The following ZNRF3 variants were observed in gnomAD, a reference collection of about 807,000 sequenced individuals.
ZNRF3 encodes the protein zinc and ring finger 3, also known as E3 ubiquitin-protein ligase ZNRF3.
A neutral mutation model predicts 72.5 loss-of-function variants in ZNRF3; 23 were observed. The ratio of observed to expected loss-of-function variants is 0.32; its 90% CI spans 0.23 to 0.45. The LOEUF is 0.45. Ranked by LOEUF, ZNRF3 falls within the 20% of genes least tolerant of loss-of-function variation. ZNRF3 has a pLI of 1.00. For missense variants in ZNRF3, 1,169 were observed against 1,272.1 expected (o/e 0.92, Z 1.23); for synonymous variants, 610 against 545.3 (o/e 1.12, Z -1.65).
intron 2 of ZNRF3, among the ~76,000 whole-genome samples, chr22:29,037,549 A>T (rs993123564): frequency 6.6e-6 from 1 of 152,232 alleles, no homozygotes; most frequent in African/African-American, 2.4e-5. Context: ...GAATAACCAT[A>T]GGAGTGGTAA....
At chr22:28,924,765 A>C (rs2034570769) in intron 1 of ZNRF3, among the ~76,000 whole-genome samples, 1 of 152,078 alleles carries the variant, frequency 6.6e-6, no homozygotes, top group East Asian at 1.9e-4. Flanking sequence ...ATAATTTTTA[A>C]AAAGTAGGCA....
At chr22:28,911,124 G>T (rs939173401) in intron 1 of ZNRF3, among the ~76,000 whole-genome samples, 2 of 152,144 alleles carry the variant, frequency 1.3e-5, no homozygotes, top group Non-Finnish European at 2.9e-5. Context: ...ATTCCTGGGG[G>T]GAATTGGGGG....
rs2037277144 is a variant in ZNRF3, at chr22:29,055,108, C to T, written c.*1486C>T. ...AAACCGTTGTGGTTTTAAGGTGTTT[C>T]ATTTTTAAAAGGGAGAGAGAATCTA... On this transcript the variant is annotated 3_prime_UTR_variant, in exon 9 of 9. Coordinates refer to ENST00000544604, the MANE Select transcript of ZNRF3 (RefSeq NM_001206998.2). 6.5e-6 allele frequency: 1 copy of T among 152,692 alleles called. No individual in the cohort carries two copies. Among genetic ancestry groups the T allele is most frequent in the African/African-American group, 2.4e-5 (1 of 41,436 alleles). The allele number at this position is 152,692 out of a possible 1,614,324, so 9.5% of individuals were successfully genotyped here.
rs1489732413 is a variant in ZNRF3, at chr22:29,053,570, CTT to C, written c.2768-7_2768-6del. 2.5e-6 allele frequency: 4 copies of C among 1,612,212 alleles called. No individual in the cohort carries two copies. Among genetic ancestry groups the C allele is most frequent in the Non-Finnish European group, 3.4e-6 (4 of 1,179,244 alleles). Reference sequence around the variant, plus strand: ...CCCTCCCCTGATGATTGTTCTCTCTCTTTCCCAGGACCGAGATCTCACTCAGC... The same window carrying C: ...CCCTCCCCTGATGATTGTTCTCTCTCTCCCAGGACCGAGATCTCACTCAGC... On this transcript the variant is annotated splice_region_variant and splice_polypyrimidine_tract_variant and intron_variant, in intron 8 of 8. Transcript: ENST00000544604.
At chr22:28,969,562 G>A (rs960861136) in intron 1 of ZNRF3, among the ~76,000 whole-genome samples, 9 of 152,170 alleles carry the variant, frequency 5.9e-5, no homozygotes, top group African/African-American at 2.2e-4. Context: ...GGGAGGAACA[G>A]CAGGGAGGCC....
intron 1 of ZNRF3, among the ~76,000 whole-genome samples, chr22:28,938,072 G>A (rs1312496481): frequency 2.0e-5 from 3 of 152,034 alleles, no homozygotes; most frequent in African/African-American, 7.3e-5. Flanking sequence ...ATACATGAAT[G>A]TATTTTCATA....
At position 28,982,557 on chromosome 22, in the gene ZNRF3, C is replaced by T. The variant is rs570835863; in HGVS notation, c.301-4519C>T. Reference sequence around the variant, plus strand: ...CTCTCATCTGGGTGACAGAACAAGACCCTGCCTTTAAAAAAAAAAAAAAAA... The same window carrying T: ...CTCTCATCTGGGTGACAGAACAAGATCCTGCCTTTAAAAAAAAAAAAAAAA... On this transcript the variant is annotated intron_variant, in intron 1 of 8. Coordinates refer to ENST00000544604, the MANE Select transcript of ZNRF3 (RefSeq NM_001206998.2). 2.0e-5 allele frequency among the ~76,000 whole-genome samples: 3 copies of T among 148,632 alleles called. No homozygotes were observed. The South Asian group carries it at 6.4e-4, about 32-fold the overall frequency.
chr22:28,966,852 C>T (rs887130017), intron 1 of ZNRF3, among the ~76,000 whole-genome samples: 4 of 139,938 alleles, frequency 2.9e-5, no homozygotes, highest in Non-Finnish European at 6.1e-5. Context: ...GTTACAGGCA[C>T]ATAGTTTTAA....
At chr22:28,948,558 A>G (rs546547022) in intron 1 of ZNRF3, among the ~76,000 whole-genome samples, 7 of 152,248 alleles carry the variant, frequency 4.6e-5, no homozygotes, top group Non-Finnish European at 8.8e-5. Context: ...TTAGTAAGAC[A>G]GTTGGATTCT....
chr22:28,956,608 T>G (rs1423697284), intron 1 of ZNRF3, among the ~76,000 whole-genome samples: 1 of 152,174 alleles, frequency 6.6e-6, no homozygotes, highest in Non-Finnish European at 1.5e-5. Context: ...CAAAGACAGT[T>G]TCCCTGTCCC....
chr22:28,901,136 A>AT (rs959766962), intron 1 of ZNRF3, among the ~76,000 whole-genome samples: 12 of 151,536 alleles, frequency 7.9e-5, no homozygotes, highest in African/African-American at 2.2e-4. Flanking sequence ...TAAATAAATA[A>AT]TTTTTTTTTA....
At chr22:28,895,783 G>A (rs754765992) in intron 1 of ZNRF3, among the ~76,000 whole-genome samples, 5 of 152,290 alleles carry the variant, frequency 3.3e-5, no homozygotes, top group Non-Finnish European at 5.9e-5. Context: ...TGGGGTTCTC[G>A]GGGGAGGGGT....
chr22:28,923,941 G>A (rs920229759), intron 1 of ZNRF3, among the ~76,000 whole-genome samples: 3 of 152,224 alleles, frequency 2.0e-5, no homozygotes, highest in Admixed American at 6.5e-5. Flanking sequence ...TGCGCTGGCC[G>A]GGCAATCATG....
At chr22:28,980,136 T>C (rs2035740549) in intron 1 of ZNRF3, among the ~76,000 whole-genome samples, 1 of 151,800 alleles carries the variant, frequency 6.6e-6, no homozygotes, top group African/African-American at 2.4e-5. Context: ...TGCTACAGTC[T>C]CCATTTTACA....
chr22:29,050,339 C>A lies in ZNRF3; in HGVS notation c.2158C>A (p.Pro720Thr). 1 of 1,602,248 alleles carries A rather than the reference C, an allele frequency of 6.2e-7. No homozygotes were observed. The highest frequency in any genetic ancestry group is 8.5e-7 in the Non-Finnish European group (1 of 1,177,048). The change falls in exon 8 of 9, where the codon CCA becomes ACA. Residue 720 changes from proline to threonine, a missense_variant. This residue lies in a region of ZNRF3 where 783 missense variants were observed against 731.4 expected (regional missense o/e 1.07). Coordinates refer to ENST00000544604, the MANE Select transcript of ZNRF3 (RefSeq NM_001206998.2). Reference sequence around the variant, plus strand: ...CTGCTGCTGCGAGCCCCAGCCCTCCCCAGCCGGGCCTAGCGCCGGAGCAGC... The same window carrying A: ...CTGCTGCTGCGAGCCCCAGCCCTCCACAGCCGGGCCTAGCGCCGGAGCAGC... The part of the protein sequence containing the change: ...CACCCEPQPS[P>T]AGPSAGAAGS...
intron 2 of ZNRF3, among the ~76,000 whole-genome samples, chr22:28,997,840 A>AC (rs2036070347): frequency 6.6e-6 from 1 of 151,906 alleles, no homozygotes; most frequent in South Asian, 2.1e-4. Flanking sequence ...ACTCATTTCA[A>AC]CAAAAAAACA....
At chr22:28,966,674 G>A (rs1261310056) in intron 1 of ZNRF3, among the ~76,000 whole-genome samples, 1 of 151,692 alleles carries the variant, frequency 6.6e-6, no homozygotes, top group Non-Finnish European at 1.5e-5. Flanking sequence ...TATGAAATAA[G>A]GATATAAAGA....
intron 5 of ZNRF3, among the ~76,000 whole-genome samples, chr22:29,046,394 C>T (rs962531645): frequency 6.6e-6 from 1 of 152,158 alleles, no homozygotes; most frequent in Non-Finnish European, 1.5e-5. Context: ...GAACGCTTGG[C>T]GTAGAACAGG....
intron 2 of ZNRF3, among the ~76,000 whole-genome samples, chr22:29,033,071 C>T (rs114430915): frequency 0.027 from 4,180 of 152,216 alleles, 96 homozygotes; most frequent in African/African-American, 0.062. Flanking sequence ...CAGTCTAGGC[C>T]GGGTGTGGTG....
Sources: gnomAD v4.1 joint callset for allele counts (sites outside exome capture counted in the v4.1 genomes callset) on GRCh38, gnomAD v4.1.1 for gene constraint, gnomAD v4.1.1 regional missense constraint, MANE v1.5 for transcripts, NCBI Gene and HGNC (gene_info 2026-07-23, HGNC 2026-07-21) for gene names.